The following SPMIP2 variants were observed in gnomAD, a reference collection of about 807,000 sequenced individuals.
The protein encoded by SPMIP2 is protein SPMIP2.
the SPMIP2 span, among the ~76,000 whole-genome samples, chr4:158,985,597 A>C: frequency 7.9e-5 from 12 of 152,246 alleles, no homozygotes; most frequent in Non-Finnish European, 1.6e-4. Flanking sequence ...TTCATGCTAA[A>C]AACTCTCAAT....
chr4:158,935,083 A>G, the SPMIP2 span, among the ~76,000 whole-genome samples: 180 of 152,334 alleles, frequency 1.2e-3, no homozygotes, highest in African/African-American at 4.1e-3. Context: ...ACACTATGCA[A>G]TCTTTTTCCC....
At chr4:159,009,550 G>A in the SPMIP2 span, among the ~76,000 whole-genome samples, 1 of 152,152 alleles carries the variant, frequency 6.6e-6, no homozygotes, top group African/African-American at 2.4e-5. Context: ...CTCTGAAATT[G>A]CAATTTATAT....
At chr4:159,038,624 A>T in the SPMIP2 span, 3 of 152,494 alleles carry the variant, frequency 2.0e-5, no homozygotes, top group Non-Finnish European at 4.4e-5. Context: ...AGTCATGGGA[A>T]CAGAGAGGAA....
chr4:158,954,510 C>T, the SPMIP2 span, among the ~76,000 whole-genome samples: 1 of 152,152 alleles, frequency 6.6e-6, no homozygotes, highest in Admixed American at 6.5e-5. Flanking sequence ...TGTCCCTTTC[C>T]AAACTTGTTT....
chr4:159,065,301 G>C, the SPMIP2 span, among the ~76,000 whole-genome samples: 1 of 152,206 alleles, frequency 6.6e-6, no homozygotes, highest in Admixed American at 6.5e-5. Context: ...GTTCTAAATA[G>C]CTAGACAAGT....
At chr4:159,081,993 T>G in the SPMIP2 span, among the ~76,000 whole-genome samples, 16 of 152,200 alleles carry the variant, frequency 1.1e-4, no homozygotes, top group African/African-American at 3.9e-4. Context: ...ACTCATTTAA[T>G]GAACCTGGTT....
chr4:159,031,074 G>A, the SPMIP2 span, among the ~76,000 whole-genome samples: 2 of 152,084 alleles, frequency 1.3e-5, no homozygotes, highest in Non-Finnish European at 2.9e-5. Flanking sequence ...TGTTTGCCTA[G>A]CCTGGGTACT....
the SPMIP2 span, among the ~76,000 whole-genome samples, chr4:158,995,087 T>C: frequency 6.6e-6 from 1 of 152,180 alleles, no homozygotes; most frequent in South Asian, 2.1e-4. Flanking sequence ...ATTTTTTTCA[T>C]TTTTCTTTTT....
chr4:158,904,391 C>T, the SPMIP2 span: 1 of 1,327,118 alleles, frequency 7.5e-7, no homozygotes, highest in East Asian at 2.3e-5. Context: ...AATACTTTCT[C>T]ATAAAAAGAA....
chr4:159,025,168 T>C, the SPMIP2 span, among the ~76,000 whole-genome samples: 1 of 152,158 alleles, frequency 6.6e-6, no homozygotes, highest in African/African-American at 2.4e-5. Flanking sequence ...TTGATGGAAA[T>C]GCCGACTCTC....
At chr4:158,984,288 G>A in the SPMIP2 span, among the ~76,000 whole-genome samples, 52 of 110,208 alleles carry the variant, frequency 4.7e-4, no homozygotes, top group South Asian at 1.3e-3. Context: ...GGACCTAATA[G>A]ACATCTACAG....
chr4:158,932,424 G>A, the SPMIP2 span, among the ~76,000 whole-genome samples: 17 of 152,258 alleles, frequency 1.1e-4, no homozygotes, highest in South Asian at 6.2e-4. Context: ...AGCCAAGATC[G>A]TACCACTGCT....
At chr4:159,059,712 T>A in the SPMIP2 span, among the ~76,000 whole-genome samples, 1 of 152,150 alleles carries the variant, frequency 6.6e-6, no homozygotes, top group South Asian at 2.1e-4. Flanking sequence ...TGTGAAGTGA[T>A]CCCTGGGGTA....
At chr4:159,027,826 T>C in the SPMIP2 span, among the ~76,000 whole-genome samples, 1 of 152,350 alleles carries the variant, frequency 6.6e-6, no homozygotes, top group African/African-American at 2.4e-5. Flanking sequence ...TACATATACA[T>C]TTATGTGCTT....
At chr4:158,986,869 T>G in the SPMIP2 span, among the ~76,000 whole-genome samples, 2 of 144,294 alleles carry the variant, frequency 1.4e-5, no homozygotes, top group Non-Finnish European at 3.0e-5. Flanking sequence ...AGAAAATTTT[T>G]GCAACCTACT....
the SPMIP2 span, among the ~76,000 whole-genome samples, chr4:158,982,893 A>G: frequency 6.6e-6 from 1 of 152,204 alleles, no homozygotes; most frequent in Non-Finnish European, 1.5e-5. Flanking sequence ...AACCAAAGGC[A>G]AAGAAGTTAA....
the SPMIP2 span, among the ~76,000 whole-genome samples, chr4:159,062,697 GTCTC>G: frequency 2.1e-4 from 20 of 95,058 alleles, no homozygotes; most frequent in East Asian, 4.5e-4. Context: ...TTGAAACAGG[GTCTC>G]TCTCTCTCTC....
At chr4:159,071,470 C>T in the SPMIP2 span, among the ~76,000 whole-genome samples, 2 of 152,152 alleles carry the variant, frequency 1.3e-5, no homozygotes, top group African/African-American at 4.8e-5. Flanking sequence ...AAATTCAAAA[C>T]ACCTGCTGTC....
chr4:158,943,411 T>C, the SPMIP2 span, among the ~76,000 whole-genome samples: 1 of 152,210 alleles, frequency 6.6e-6, no homozygotes. Context: ...TAACTTCAAG[T>C]GGGCCTTCTT....
Sources: gnomAD v4.1 joint callset for allele counts (sites outside exome capture counted in the v4.1 genomes callset) on GRCh38, gnomAD v4.1.1 for gene constraint, MANE v1.5 for transcripts, NCBI Gene and HGNC (gene_info 2026-07-23, HGNC 2026-07-21) for gene names.